MAP2K1: variants seen among roughly 807,000 people sequenced by gnomAD.
MAP2K1 encodes dual specificity mitogen-activated protein kinase kinase 1.
Under a neutral mutation model 46.3 loss-of-function variants are expected in MAP2K1, and 16 were observed. The ratio of observed to expected loss-of-function variants is 0.35; its 90% CI spans 0.23 to 0.52. The LOEUF (loss-of-function observed/expected upper bound fraction) is 0.52, where lower values mean the gene tolerates loss of function less well. Ranked by LOEUF, MAP2K1 falls within the 20% of genes least tolerant of loss-of-function variation. MAP2K1 has a pLI of 0.94. For missense variants in MAP2K1, 263 were observed against 497.1 expected (o/e 0.53, Z 4.48); for synonymous variants, 183 against 185.6 (o/e 0.99, Z 0.11).
At chr15:66,420,855 G>GTGTATATGTATA (rs1567003243) in intron 1 of MAP2K1, among the ~76,000 whole-genome samples, 12 of 104,104 alleles carry the variant, frequency 1.2e-4, no homozygotes, top group African/African-American at 4.9e-4. Context: ...GTATATATAT[G>GTGTATATGTATA]TGTGTATATA....
chr15:66,448,626 T>C, intron 5 of MAP2K1, among the ~76,000 whole-genome samples: 1 of 152,226 alleles, frequency 6.6e-6, no homozygotes, highest in East Asian at 1.9e-4. Flanking sequence ...GGAATTTGCA[T>C]GACCAGCTTA....
At position 66,435,282 on chromosome 15, in the gene MAP2K1, T is replaced by C. The variant is rs1286089337; in HGVS notation, c.291+45T>C. ...CAGGTAATTGGATTATTTCTCAGGG[T>C]ACTTAGAAGCCTGGGGACCAGGGTA... On this transcript the variant is annotated intron_variant, in intron 2 of 10. Coordinates refer to ENST00000307102, the MANE Select transcript of MAP2K1 (RefSeq NM_002755.4). The C allele has an allele frequency of 3.0e-5, 45 of 1,493,838 alleles. 1 individual carries two copies. The Admixed American group carries it at 7.5e-4, about 25-fold the overall frequency. The allele number at this position is 1,493,838 out of a possible 1,614,324, so 92.5% of individuals were successfully genotyped here. A position where few individuals can be genotyped will look rare whatever the true frequency, so the allele number is the denominator to read the frequency against.
chr15:66,489,452 C>T, intron 9 of MAP2K1, 176 bp downstream of exon 9: 2 of 701,664 alleles, frequency 2.9e-6, no homozygotes, highest in Non-Finnish European at 5.1e-6. Context: ...ACTTATGTGG[C>T]ATGTCTAACT....
intron 3 of MAP2K1, among the ~76,000 whole-genome samples, chr15:66,440,920 G>T (rs1433762662): frequency 6.6e-6 from 1 of 152,112 alleles, no homozygotes; most frequent in Admixed American, 6.6e-5. Flanking sequence ...AAGCTCTGTG[G>T]AGGTTAAAGG....
At chr15:66,483,814 C>A (rs1892971975) in intron 6 of MAP2K1, among the ~76,000 whole-genome samples, 1 of 143,994 alleles carries the variant, frequency 6.9e-6, no homozygotes, top group African/African-American at 2.6e-5. Context: ...GTGGTGCAAT[C>A]TCGGCTTACT....
intron 1 of MAP2K1, among the ~76,000 whole-genome samples, chr15:66,413,978 A>C (rs1380992410): frequency 8.3e-6 from 1 of 119,912 alleles, no homozygotes; most frequent in Non-Finnish European, 1.7e-5. Context: ...AATTGTTTAC[A>C]CTTGCCCTTT....
chr15:66,415,944 T>G (rs2093423607), intron 1 of MAP2K1, among the ~76,000 whole-genome samples: 1 of 152,200 alleles, frequency 6.6e-6, no homozygotes, highest in Admixed American at 6.5e-5. Context: ...ACATTAGTTT[T>G]TTTAGGCCTG....
intron 1 of MAP2K1, among the ~76,000 whole-genome samples, chr15:66,390,852 C>T (rs62013662): frequency 6.6e-6 from 1 of 152,036 alleles, no homozygotes; most frequent in Non-Finnish European, 1.5e-5. Context: ...CACACTAGTC[C>T]TCTTTCACTT....
In MAP2K1 at chr15:66,489,206, T is replaced by G. The variant is rs751532477; in HGVS notation, c.961-9T>G. Reference sequence around the variant, plus strand: ...CAGGCATTTTTCTTATCTCAACATGTGTTTGCAGCCTCCTCCAAAACTGCC... The same window carrying G: ...CAGGCATTTTTCTTATCTCAACATGGGTTTGCAGCCTCCTCCAAAACTGCC... On this transcript the variant is annotated splice_polypyrimidine_tract_variant and intron_variant, in intron 8 of 10. Transcript: ENST00000307102. 1.2e-6 allele frequency: 2 copies of G among 1,612,800 alleles called. No homozygotes were observed. The highest frequency in any genetic ancestry group is 1.3e-5 in the African/African-American group (1 of 74,884).
intron 5 of MAP2K1, among the ~76,000 whole-genome samples, chr15:66,467,463 A>G (rs1315525355): frequency 6.6e-6 from 1 of 152,200 alleles, no homozygotes; most frequent in African/African-American, 2.4e-5. Flanking sequence ...TAGGCTGCCT[A>G]AAGCCACATG....
intron 1 of MAP2K1, among the ~76,000 whole-genome samples, chr15:66,407,411 A>G (rs1390400689): frequency 6.6e-6 from 1 of 152,220 alleles, no homozygotes; most frequent in African/African-American, 2.4e-5. Flanking sequence ...GTGCTTTGGA[A>G]TAACAGTCCC....
Position 66,420,721 on chromosome 15 carries a change from A to ATGTG in MAP2K1, c.81-14270_81-14267dup, listed in dbSNP as rs1166822915. ...TTACTCTTGGCATATATATATATAT[A>ATGTG]TGTGTGTGTGTGTGTGTGTGTGTGT... is the stretch of plus-strand genomic sequence containing the variant. On this transcript the variant is annotated intron_variant, in intron 1 of 10. Transcript: ENST00000307102. 1.7e-3 allele frequency among the ~76,000 whole-genome samples: 51 copies of ATGTG among 29,678 alleles called. 2 individuals are homozygous for ATGTG. Among genetic ancestry groups the ATGTG allele is most frequent in the African/African-American group, 5.7e-3 (48 of 8,494 alleles). The allele number at this position is 29,678 out of a possible 152,430, so 19.5% of individuals were successfully genotyped here. A position where few individuals can be genotyped will look rare whatever the true frequency, so the allele number is the denominator to read the frequency against.
chr15:66,448,227 C>A lies in MAP2K1; in HGVS notation c.568+3520C>A, dbSNP rs562247663. Among the ~76,000 whole-genome samples the A allele has an allele frequency of 2.6e-5, 4 of 151,642 alleles. No homozygotes were observed. The South Asian group carries it at 8.4e-4, about 32-fold the overall frequency. ...TGGAAACCACCAATCTACCTTCTGTCTCTATGAGTTTGACTACTCTAGGTA... is the reference window on the plus strand; with the variant it reads ...TGGAAACCACCAATCTACCTTCTGTATCTATGAGTTTGACTACTCTAGGTA... On this transcript the variant is annotated intron_variant, in intron 5 of 10. Transcript: ENST00000307102.
intron 5 of MAP2K1, among the ~76,000 whole-genome samples, chr15:66,454,889 AAAAAACAAAAAAAG>A (rs1053858574): frequency 5.3e-5 from 8 of 152,012 alleles, no homozygotes; most frequent in Admixed American, 4.6e-4. Context: ...TCTCGAAAAA[AAAAAACAAAAAAAG>A]AAGGATCCAA....
At chr15:66,474,786 C>T (rs1416009342) in intron 5 of MAP2K1, among the ~76,000 whole-genome samples, 1 of 151,838 alleles carries the variant, frequency 6.6e-6, no homozygotes, top group Non-Finnish European at 1.5e-5. Context: ...GCTTACCTCA[C>T]AGTGTTACTG....
At chr15:66,473,518 C>G (rs1233643787) in intron 5 of MAP2K1, among the ~76,000 whole-genome samples, 1 of 151,980 alleles carries the variant, frequency 6.6e-6, no homozygotes, top group Non-Finnish European at 1.5e-5. Flanking sequence ...TACTGCACTC[C>G]AGCCAAAAAA....
At chr15:66,459,462 A>G (rs1892259919) in intron 5 of MAP2K1, among the ~76,000 whole-genome samples, 1 of 151,750 alleles carries the variant, frequency 6.6e-6, no homozygotes, top group African/African-American at 2.4e-5. Context: ...ACTAAAATAC[A>G]AAAAAATTAG....
At chr15:66,472,149 C>G (rs1224491272) in intron 5 of MAP2K1, among the ~76,000 whole-genome samples, 1 of 148,016 alleles carries the variant, frequency 6.8e-6, no homozygotes, top group Non-Finnish European at 1.5e-5. Flanking sequence ...CTAAAAAATA[C>G]AAAAATTACC....
intron 1 of MAP2K1, among the ~76,000 whole-genome samples, chr15:66,392,443 T>G (rs2093358870): frequency 6.6e-6 from 1 of 151,366 alleles, no homozygotes; most frequent in African/African-American, 2.4e-5. Flanking sequence ...CTTCCCAAAG[T>G]GCTGAAATTA....
Sources: allele counts gnomAD v4.1 joint callset (sites outside exome capture counted in the v4.1 genomes callset), GRCh38; gene constraint gnomAD v4.1.1; transcripts MANE v1.5; gene names NCBI Gene and HGNC (gene_info 2026-07-23, HGNC 2026-07-21).